Variants in NUP210 observed in about 807,000 individuals in gnomAD.
The protein encoded by NUP210 is nucleoporin 210, also known as nuclear pore membrane glycoprotein 210.
Under a neutral mutation model 196.0 loss-of-function variants are expected in NUP210, and 151 were observed. That is an observed-to-expected ratio of 0.77 (90% CI 0.67 to 0.88). The LOEUF is 0.88. Ranked by LOEUF, NUP210 falls within the 40% of genes least tolerant of loss-of-function variation. The pLI is 0.00. For missense variants in NUP210, 2,314 were observed against 2,493.7 expected, an observed-to-expected ratio of 0.93 and a Z score of 1.53; for synonymous variants, 1,070 against 1,052.7, an observed-to-expected ratio of 1.02 and a Z score of -0.32.
chr3:13,361,564 G>A (rs545225562), intron 14 of NUP210, among the ~76,000 whole-genome samples: 1 of 152,222 alleles, frequency 6.6e-6, no homozygotes, highest in South Asian at 2.1e-4. Context: ...ACTCTGAGGG[G>A]TCCCGCAGTC....
In NUP210 at chr3:13,343,215, A is replaced by G. The variant is rs768642606; in HGVS notation, c.2924T>C (p.Val975Ala). Residue 975 changes from valine to alanine, a missense_variant, in exon 21 of 40, where the codon GTG becomes GCG. Coordinates refer to ENST00000254508, the MANE Select transcript of NUP210 (RefSeq NM_024923.4). ...GATGTACAGCTCCTGAATGTCCGAC[A>G]CGTAAACGACAGCCTTGGCTGGGGC... ...FPAPAKAVVYVSDIQELYIRV... is the reference protein window; with the variant it reads ...FPAPAKAVVYASDIQELYIRV... The G allele has an allele frequency of 2.5e-6, 4 of 1,614,086 alleles. No individual in the cohort carries two copies. The highest frequency in any genetic ancestry group is 3.4e-6 in the Non-Finnish European group (4 of 1,179,988).
rs114272115 is a variant in NUP210, at chr3:13,375,307, T to C, written c.1431+197A>G. Among the ~76,000 whole-genome samples, 281 of 152,208 alleles carry C rather than the reference T, an allele frequency of 1.8e-3. 1 individual carries two copies. Among genetic ancestry groups the C allele is most frequent in the African/African-American group, 6.4e-3 (267 of 41,540 alleles). On this transcript the variant is annotated intron_variant, in intron 11 of 39. Coordinates refer to ENST00000254508, the MANE Select transcript of NUP210 (RefSeq NM_024923.4). ...CCCTGCCTTATTCTCAATTTTTTCATTGTTGGTTTTTGTTGTTTTTTTTCC... is the reference window on the plus strand; with the variant it reads ...CCCTGCCTTATTCTCAATTTTTTCACTGTTGGTTTTTGTTGTTTTTTTTCC...
chr3:13,343,342 G>GGGGGGGT, intron 20 of NUP210, 39 bp from the exon 21 acceptor site: 5 of 655,992 alleles, frequency 7.6e-6, no homozygotes, highest in South Asian at 1.7e-5. Flanking sequence ...TGGGTGGTGG[G>GGGGGGGT]TTACGCAGCT....
At chr3:13,366,157 C>G in intron 13 of NUP210, 66 bp from the exon 14 acceptor site, 1 of 1,510,206 alleles carries the variant, frequency 6.6e-7, no homozygotes, top group Non-Finnish European at 9.0e-7. Context: ...GAGATGGAGT[C>G]TCGCTGTGTT....
intron 1 of NUP210, among the ~76,000 whole-genome samples, chr3:13,414,345 G>A (rs1396021755): frequency 2.6e-5 from 4 of 152,204 alleles, no homozygotes; most frequent in African/African-American, 9.7e-5. Flanking sequence ...ATCACCCAAG[G>A]CCCAAGTCAA....
At chr3:13,337,349 C>T (rs1044909913) in intron 26 of NUP210, among the ~76,000 whole-genome samples, 2 of 152,206 alleles carry the variant, frequency 1.3e-5, no homozygotes, top group East Asian at 1.9e-4. Flanking sequence ...CTTGAGGGCA[C>T]AGGCGGAGGC....
At chr3:13,353,849 C>T in intron 17 of NUP210, 66 bp downstream of exon 17, 1 of 1,499,552 alleles carries the variant, frequency 6.7e-7, no homozygotes, top group East Asian at 2.3e-5. Flanking sequence ...CACTGGCCCA[C>T]CTTGGCAGGC....
intron 1 of NUP210, among the ~76,000 whole-genome samples, chr3:13,406,032 A>C (rs1408070517): frequency 2.0e-5 from 3 of 152,232 alleles, no homozygotes; most frequent in East Asian, 3.8e-4. Context: ...AGATAATGTC[A>C]ATGTTTTTTA....
chr3:13,411,736 GTTTA>G (rs1040990624), intron 1 of NUP210, among the ~76,000 whole-genome samples: 32 of 152,060 alleles, frequency 2.1e-4, no homozygotes, highest in African/African-American at 7.5e-4. Flanking sequence ...ACTTGTATTC[GTTTA>G]TTTACTTATT....
In NUP210 at chr3:13,373,252, C is replaced by T. The variant is rs558491374; in HGVS notation, c.1587+466G>A. 3.3e-5 allele frequency among the ~76,000 whole-genome samples: 5 copies of T among 152,264 alleles called. No individual in the cohort carries two copies. In the East Asian group the frequency reaches 9.7e-4, roughly 29 times the overall value. Reference sequence around the variant, plus strand: ...GCCACCATTGTGAAGTGAGATGGCCCCATGTCACTTAGGGCCAAAAGCCAG... The same window carrying T: ...GCCACCATTGTGAAGTGAGATGGCCTCATGTCACTTAGGGCCAAAAGCCAG... On this transcript the variant is annotated intron_variant, in intron 12 of 39. Transcript: ENST00000254508.
At chr3:13,335,120 A>G (rs1697156895) in intron 28 of NUP210, among the ~76,000 whole-genome samples, 1 of 152,226 alleles carries the variant, frequency 6.6e-6, no homozygotes, top group Admixed American at 6.5e-5. Flanking sequence ...CGATTAAATT[A>G]TCAGCCACTC....
chr3:13,373,109 C>T (rs6809638), intron 12 of NUP210, among the ~76,000 whole-genome samples: 30,379 of 152,132 alleles, frequency 0.2, 3,802 homozygotes, highest in Non-Finnish European at 0.29. Context: ...ATGGGACACC[C>T]CTTCCTGCCC....
chr3:13,329,132 AG>A lies in NUP210; in HGVS notation c.4111-187del, dbSNP rs200387363. Among the ~76,000 whole-genome samples, 982 of 152,260 alleles carry A rather than the reference AG, an allele frequency of 6.4e-3. 8 individuals carry two copies. Among genetic ancestry groups the A allele is most frequent in the African/African-American group, 0.021 (854 of 41,536 alleles). The stretch of plus-strand genomic sequence containing the variant: ...CCCAGAGTGTCCCAACCTAGTGACA[AG>A]GTTCTTACTTCCCAACACAGCAGAC... On this transcript the variant is annotated intron_variant, in intron 30 of 39. Coordinates refer to ENST00000254508, the MANE Select transcript of NUP210 (RefSeq NM_024923.4).
chr3:13,346,486 T>C (rs529139205), intron 20 of NUP210, among the ~76,000 whole-genome samples: 29 of 152,292 alleles, frequency 1.9e-4, no homozygotes, highest in South Asian at 4.1e-4. Context: ...CCTGAGAACA[T>C]TGGGAAACAC....
intron 3 of NUP210, among the ~76,000 whole-genome samples, chr3:13,396,742 A>T (rs535140108): frequency 7.3e-5 from 10 of 136,328 alleles, no homozygotes; most frequent in Non-Finnish European, 1.2e-4. Context: ...CCTGAGCAAC[A>T]AGAGCAAGAC....
Position 13,391,626 on chromosome 3 carries a change from C to A in NUP210, c.437-319G>T, listed in dbSNP as rs73024154. Among the ~76,000 whole-genome samples the A allele has an allele frequency of 2.9e-3, 432 of 149,212 alleles. 3 individuals are homozygous for A. The highest frequency in any genetic ancestry group is 1.0e-2 in the African/African-American group (405 of 40,608). On this transcript the variant is annotated intron_variant, in intron 3 of 39. Transcript: ENST00000254508. ...AGTGCAGTGCATAACACTGCTGCCC[C>A]GCACGTCTGTGAGCGGTTTACAATT...
intron 13 of NUP210, among the ~76,000 whole-genome samples, chr3:13,366,573 A>G (rs1352409316): frequency 2.8e-5 from 4 of 141,512 alleles, no homozygotes; most frequent in Non-Finnish European, 6.0e-5. Flanking sequence ...GCTGGAGTGC[A>G]GTGGTGCTAT....
chr3:13,338,295 GTC>G (rs1445897843), intron 25 of NUP210, among the ~76,000 whole-genome samples: 5 of 152,232 alleles, frequency 3.3e-5, no homozygotes, highest in African/African-American at 1.2e-4. Flanking sequence ...CAGCCTGCCT[GTC>G]TCTGACTGAG....
intron 26 of NUP210, 124 bp from the exon 27 acceptor site, chr3:13,337,042 A>G: frequency 8.2e-7 from 1 of 1,226,956 alleles, no homozygotes; most frequent in South Asian, 1.3e-5. Flanking sequence ...AGAGAAGAGC[A>G]TGGCACAGGT....
Sources: gnomAD v4.1 joint callset for allele counts (sites outside exome capture counted in the v4.1 genomes callset) on GRCh38, gnomAD v4.1.1 for gene constraint, MANE v1.5 for transcripts, NCBI Gene and HGNC (gene_info 2026-07-23, HGNC 2026-07-21) for gene names.